The following THOC7 variants were observed in gnomAD, a reference collection of about 807,000 sequenced individuals.
The protein encoded by THOC7 is THO complex subunit 7.
In THOC7, 22 loss-of-function variants were observed where a neutral mutation model predicts 33.1. The observed-to-expected ratio is 0.66, with a 90% CI of 0.47 to 0.95. The LOEUF (loss-of-function observed/expected upper bound fraction) is 0.95, where lower values mean the gene tolerates loss of function less well. Ranked by LOEUF, THOC7 falls within the 40% of genes least tolerant of loss-of-function variation. The pLI is 0.00. For missense variants in THOC7, 184 were observed against 245.3 expected (o/e 0.75, Z 1.67); for synonymous variants, 77 against 76.8 (o/e 1.00, Z -0.01).
intron 1 of THOC7, chr3:63,846,122 T>A (rs918270392): frequency 2.5e-6 from 1 of 400,516 alleles, no homozygotes; most frequent in Admixed American, 2.8e-5. Context: ...GTAAAACTGA[T>A]GTAACTCCTA....
At chr3:63,847,072 A>G (rs547939436) in intron 1 of THOC7, among the ~76,000 whole-genome samples, 1 of 152,252 alleles carries the variant, frequency 6.6e-6, no homozygotes, top group African/African-American at 2.4e-5. Context: ...AATGGATCGA[A>G]GAATTGCGTA....
chr3:63,836,867 T>C (rs1340895740), intron 4 of THOC7, among the ~76,000 whole-genome samples: 1 of 151,970 alleles, frequency 6.6e-6, no homozygotes, highest in African/African-American at 2.4e-5. Context: ...ACCTCCAAGA[T>C]AAGTCATGTA....
chr3:63,846,033 TA>T (rs1701886621), intron 1 of THOC7: 1 of 218,738 alleles, frequency 4.6e-6, no homozygotes, highest in African/African-American at 2.4e-5. Context: ...GACAGTCCTC[TA>T]AAATCACCTT....
chr3:63,838,786 C>CT (rs553436466), intron 2 of THOC7, among the ~76,000 whole-genome samples: 62 of 152,096 alleles, frequency 4.1e-4, no homozygotes, highest in Non-Finnish European at 8.1e-4. Context: ...TTTAGAAATA[C>CT]TTTAAGATGT....
chr3:63,845,225 T>G (rs1363311060), intron 1 of THOC7: 2 of 474,738 alleles, frequency 4.2e-6, no homozygotes, highest in Admixed American at 3.4e-5. Flanking sequence ...GTATCAAGAT[T>G]AGTTTGTGCT....
chr3:63,840,628 T>C (rs1172901493), intron 1 of THOC7, among the ~76,000 whole-genome samples: 1 of 152,128 alleles, frequency 6.6e-6, no homozygotes, highest in African/African-American at 2.4e-5. Flanking sequence ...AAAATACAGA[T>C]GACAATGATG....
intron 4 of THOC7, among the ~76,000 whole-genome samples, chr3:63,836,870 G>GT (rs1701645088): frequency 6.6e-6 from 1 of 151,698 alleles, no homozygotes; most frequent in South Asian, 2.1e-4. Flanking sequence ...TCCAAGATAA[G>GT]TCATGTAACT....
At chr3:63,861,704 G>A (rs959047493) in intron 1 of THOC7, 2 of 151,918 alleles carry the variant, frequency 1.3e-5, no homozygotes, top group Non-Finnish European at 2.9e-5. Flanking sequence ...CTACGTAAAC[G>A]TTAGTAAGTG....
intron 1 of THOC7, among the ~76,000 whole-genome samples, chr3:63,843,190 C>A: frequency 6.6e-6 from 1 of 152,084 alleles, no homozygotes; most frequent in Non-Finnish European, 1.5e-5. Flanking sequence ...ATGATCTCGG[C>A]TTACTGCAAC....
chr3:63,859,825 A>G (rs942397989), intron 1 of THOC7, among the ~76,000 whole-genome samples: 1 of 152,232 alleles, frequency 6.6e-6, no homozygotes, highest in African/African-American at 2.4e-5. Flanking sequence ...CTCAGCTGAC[A>G]AAAACCATGT....
intron 1 of THOC7, chr3:63,845,043 A>T: frequency 1.4e-6 from 1 of 700,396 alleles, no homozygotes; most frequent in Admixed American, 2.0e-5. Flanking sequence ...AAGGACCTGG[A>T]GACAGCTGAC....
At chr3:63,841,556 T>A (rs542787557) in intron 1 of THOC7, among the ~76,000 whole-genome samples, 19 of 152,310 alleles carry the variant, frequency 1.2e-4, no homozygotes, top group African/African-American at 4.6e-4. Context: ...GGCAGATGGC[T>A]CCAGTTTTAA....
chr3:63,837,804 C>G (rs1007168506), intron 4 of THOC7, among the ~76,000 whole-genome samples, 172 bp downstream of exon 4: 1 of 151,972 alleles, frequency 6.6e-6, no homozygotes, highest in Non-Finnish European at 1.5e-5. Context: ...CTTCTCAACA[C>G]AGACTTCCTT....
At chr3:63,842,956 ATT>A (rs529498406) in intron 1 of THOC7, among the ~76,000 whole-genome samples, 2 of 143,958 alleles carry the variant, frequency 1.4e-5, no homozygotes, top group African/African-American at 2.5e-5. Context: ...TAATTTTTGT[ATT>A]TTTTTTTTTT....
upstream of THOC7, among the ~76,000 whole-genome samples, chr3:63,864,290 A>G (rs1370058507): frequency 2.1e-5 from 3 of 141,848 alleles, no homozygotes; most frequent in Non-Finnish European, 4.6e-5. Context: ...TGACGCTGCT[A>G]GGGGTGGGCT....
In THOC7 at chr3:63,835,409, T is replaced by C; in HGVS notation, c.411-19A>G. ...TAGTTCCCTGGAAATAATAAAACAG[T>C]GTTACATTTTGCTGAATGGGGGAGA... On this transcript the variant is annotated intron_variant, in intron 5 of 7. Transcript: ENST00000295899. The C allele has an allele frequency of 6.2e-7, 1 of 1,611,192 alleles. No homozygotes were observed.
chr3:63,858,708 C>A (rs1312730659), intron 1 of THOC7, among the ~76,000 whole-genome samples: 2 of 152,174 alleles, frequency 1.3e-5, no homozygotes, highest in African/African-American at 4.8e-5. Flanking sequence ...GTGACAACAT[C>A]CACACTGTTT....
At position 63,844,267 on chromosome 3, in the gene THOC7, A is replaced by G. The variant is rs563112328; in HGVS notation, c.20-4494T>C. On this transcript the variant is annotated intron_variant, in intron 1 of 7. Coordinates refer to ENST00000295899, the MANE Select transcript of THOC7 (RefSeq NM_025075.4). ...ATACTTACAGTTAGGCAAGAGCAATAAATTTCAAGAGACCTAATTGTACAG... is the reference window on the plus strand; with the variant it reads ...ATACTTACAGTTAGGCAAGAGCAATGAATTTCAAGAGACCTAATTGTACAG... Among the ~76,000 whole-genome samples the G allele has an allele frequency of 5.3e-5, 8 of 152,344 alleles. No individual in the cohort carries two copies. The South Asian group carries it at 1.5e-3, about 28-fold the overall frequency.
chr3:63,852,243 A>AG (rs1037187782), intron 1 of THOC7, among the ~76,000 whole-genome samples: 23 of 152,340 alleles, frequency 1.5e-4, no homozygotes, highest in African/African-American at 5.3e-4. Flanking sequence ...AAGCCCAGAC[A>AG]GAGACCCGTC....
Sources: gnomAD v4.1 joint callset for allele counts (sites outside exome capture counted in the v4.1 genomes callset) on GRCh38, gnomAD v4.1.1 for gene constraint, MANE v1.5 for transcripts, NCBI Gene and HGNC (gene_info 2026-07-23, HGNC 2026-07-21) for gene names.